Variants in RIMS1 observed in about 807,000 individuals in gnomAD.
The protein encoded by RIMS1 is regulating synaptic membrane exocytosis 1.
A neutral mutation model predicts 214.1 loss-of-function variants in RIMS1; 83 were observed. The observed-to-expected ratio is 0.39, with a 90% CI of 0.32 to 0.47. RIMS1 has a LOEUF of 0.47. RIMS1 is among the 20% of genes least tolerant of loss of function. The probability of loss-of-function intolerance (pLI) is 0.99; values close to 1 mark genes in which losing one functional copy is unlikely to be tolerated. For missense variants in RIMS1, 2,050 were observed against 2,161.8 expected (o/e 0.95, Z 1.03); for synonymous variants, 793 against 786.8 (o/e 1.01, Z -0.13).
At chr6:72,022,291 G>C (rs1045075125) in intron 2 of RIMS1, among the ~76,000 whole-genome samples, 10 of 152,164 alleles carry the variant, frequency 6.6e-5, no homozygotes, top group African/African-American at 2.4e-4. Flanking sequence ...GGTGGAGCAT[G>C]CTGCAGGGGT....
chr6:71,920,475 T>TA (rs1213430281), intron 1 of RIMS1, among the ~76,000 whole-genome samples: 4 of 152,110 alleles, frequency 2.6e-5, no homozygotes, highest in Non-Finnish European at 5.9e-5. Flanking sequence ...GTTTAATTTT[T>TA]AAAAATGACC....
rs2098686390 is a variant in RIMS1 at position 72,390,534 on chromosome 6, A to G, written c.4367-64A>G. 9 of 1,452,662 alleles carry G rather than the reference A, an allele frequency of 6.2e-6. No individual in the cohort carries two copies. In the Middle Eastern group the frequency reaches 5.2e-4, roughly 84 times the overall value. The allele number at this position is 1,452,662 out of a possible 1,614,324, so 90.0% of individuals were successfully genotyped here. On this transcript the variant is annotated intron_variant, in intron 29 of 33. Transcript: ENST00000521978. ...AATTAACTATTGTATTTGCAGGATCAATTGATATTCAGGAGTAAACTGTCT... is the reference window on the plus strand; with the variant it reads ...AATTAACTATTGTATTTGCAGGATCGATTGATATTCAGGAGTAAACTGTCT...
intron 4 of RIMS1, among the ~76,000 whole-genome samples, chr6:72,165,281 T>A (rs2046096360): frequency 6.6e-6 from 1 of 152,214 alleles, no homozygotes; most frequent in Non-Finnish European, 1.5e-5. Flanking sequence ...TTACATAAGT[T>A]CATTTAATGT....
At chr6:72,306,036 T>A (rs183676109) in intron 26 of RIMS1, among the ~76,000 whole-genome samples, 54 of 152,218 alleles carry the variant, frequency 3.5e-4, no homozygotes, top group African/African-American at 1.3e-3. Context: ...TGTTGGCGTT[T>A]TATAATCAAG....
In RIMS1 at chr6:72,006,663, C is replaced by T. The variant is rs180954644; in HGVS notation, c.245+37600C>T. Among the ~76,000 whole-genome samples, 1,403 of 152,316 alleles carry T rather than the reference C, an allele frequency of 9.2e-3. 16 individuals carry two copies. The highest frequency in any genetic ancestry group is 0.015 in the Non-Finnish European group (1,014 of 68,026). ...TTTCCAATGGTCTTAGCAAACGGCA[C>T]ACCAGGATATTATATCCCGTGCCTG... On this transcript the variant is annotated intron_variant, in intron 2 of 33. Transcript: ENST00000521978.
At position 72,403,092 on chromosome 6, in the gene RIMS1, G is replaced by T. The variant is rs552362298; in HGVS notation, c.*2378G>T. Reference sequence around the variant, plus strand: ...AAATCTCAGTAAGAATCAAATGGAAGGTTGTTTTCTGCTGCTGTTTGAATG... The same window carrying T: ...AAATCTCAGTAAGAATCAAATGGAATGTTGTTTTCTGCTGCTGTTTGAATG... On this transcript the variant is annotated 3_prime_UTR_variant, in exon 34 of 34. Transcript: ENST00000521978. The T allele has an allele frequency of 6.6e-6, 1 of 152,194 alleles. No homozygotes were observed. Among genetic ancestry groups the T allele is most frequent in the African/African-American group, 2.4e-5 (1 of 41,452 alleles). 9.4% of individuals were successfully genotyped at this position (152,194 alleles called of 1,614,324 possible).
At chr6:71,997,868 G>T (rs1803943677) in intron 2 of RIMS1, among the ~76,000 whole-genome samples, 1 of 152,008 alleles carries the variant, frequency 6.6e-6, no homozygotes, top group African/African-American at 2.4e-5. Flanking sequence ...GGTTACTACT[G>T]TGCCACTCTA....
chr6:72,332,133 T>A (rs908127660), intron 28 of RIMS1, among the ~76,000 whole-genome samples: 20 of 151,858 alleles, frequency 1.3e-4, no homozygotes, highest in Admixed American at 7.9e-4. Context: ...TATTAGGATT[T>A]TTTCTGACTC....
chr6:72,022,661 G>A (rs775912917), intron 2 of RIMS1, among the ~76,000 whole-genome samples: 8 of 152,124 alleles, frequency 5.3e-5, no homozygotes, highest in African/African-American at 9.7e-5. Flanking sequence ...GATTTTAGTC[G>A]TGTTCGATGA....
chr6:71,980,922 A>T (rs1288278564), intron 2 of RIMS1, among the ~76,000 whole-genome samples: 3 of 152,154 alleles, frequency 2.0e-5, no homozygotes, highest in Non-Finnish European at 2.9e-5. Context: ...TTAATAAAAA[A>T]TAAGGATAGA....
At chr6:71,890,582 A>AC (rs1769394972) in intron 1 of RIMS1, among the ~76,000 whole-genome samples, 3 of 143,994 alleles carry the variant, frequency 2.1e-5, no homozygotes, top group Non-Finnish European at 3.0e-5. Flanking sequence ...AAAAAAAAAA[A>AC]AAAAAAAAAA....
At chr6:72,281,866 A>G (rs2090261803) in intron 23 of RIMS1, among the ~76,000 whole-genome samples, 1 of 152,020 alleles carries the variant, frequency 6.6e-6, no homozygotes, top group Non-Finnish European at 1.5e-5. Flanking sequence ...ACCTTTTCCC[A>G]TACTACATAA....
chr6:71,888,371 T>C (rs1304238360), intron 1 of RIMS1, among the ~76,000 whole-genome samples: 1 of 152,068 alleles, frequency 6.6e-6, no homozygotes, highest in Non-Finnish European at 1.5e-5. Flanking sequence ...GCCAGGGGAT[T>C]GGCATGAAGA....
At chr6:72,164,637 A>G (rs915819892) in intron 4 of RIMS1, among the ~76,000 whole-genome samples, 1 of 152,178 alleles carries the variant, frequency 6.6e-6, no homozygotes, top group Non-Finnish European at 1.5e-5. Flanking sequence ...AATCTGTGGC[A>G]TAATGTCTCT....
At chr6:72,396,292 G>A (rs1470823936) in intron 31 of RIMS1, among the ~76,000 whole-genome samples, 1 of 152,160 alleles carries the variant, frequency 6.6e-6, no homozygotes, top group Non-Finnish European at 1.5e-5. Context: ...GTGTATGTGT[G>A]TGTGTATTTG....
intron 1 of RIMS1, among the ~76,000 whole-genome samples, chr6:71,941,817 A>G (rs184073247): frequency 6.7e-4 from 102 of 152,298 alleles, no homozygotes; most frequent in African/African-American, 2.4e-3. Flanking sequence ...ACCAGGTGCT[A>G]CACCAATCCA....
intron 4 of RIMS1, among the ~76,000 whole-genome samples, chr6:72,122,207 CTTTTTTT>C (rs34948011): frequency 2.2e-5 from 3 of 136,332 alleles, no homozygotes; most frequent in African/African-American, 8.3e-5. Context: ...TTCCTTTTTT[CTTTTTTT>C]TTTTTTTTGA....
At position 72,103,351 on chromosome 6, in the gene RIMS1, A is replaced by C. The variant is rs560915286; in HGVS notation, c.471+3365A>C. Among the ~76,000 whole-genome samples the C allele has an allele frequency of 6.6e-5, 10 of 152,284 alleles. No homozygotes were observed. In the South Asian group the frequency reaches 2.1e-3, roughly 32 times the overall value. On this transcript the variant is annotated intron_variant, in intron 4 of 33. Transcript: ENST00000521978. ...GTTTTAACCTCTTGCATTCAGCATT[A>C]CTATTCTTTAAACTTCGTATGATTA...
At chr6:72,047,829 G>A (rs1823481286) in intron 2 of RIMS1, among the ~76,000 whole-genome samples, 1 of 152,162 alleles carries the variant, frequency 6.6e-6, no homozygotes. Context: ...GTTTGTGACT[G>A]AATAAGTCAG....
Sources: gnomAD v4.1 joint callset for allele counts (sites outside exome capture counted in the v4.1 genomes callset) on GRCh38, gnomAD v4.1.1 for gene constraint, MANE v1.5 for transcripts, NCBI Gene and HGNC (gene_info 2026-07-23, HGNC 2026-07-21) for gene names.